ARHGEF2: variants seen among roughly 807,000 people sequenced by gnomAD.
ARHGEF2 encodes the protein Rho/Rac guanine nucleotide exchange factor 2.
In ARHGEF2, 22 loss-of-function variants were observed where a neutral mutation model predicts 121.0. That is an observed-to-expected ratio of 0.18 (90% confidence interval 0.13 to 0.26). The LOEUF (loss-of-function observed/expected upper bound fraction) is 0.26, where lower values mean the gene tolerates loss of function less well. Among genes scored for constraint, ARHGEF2 ranks in the 10% least tolerant of loss-of-function variants. The probability of loss-of-function intolerance (pLI) is 1.00; values close to 1 mark genes in which losing one functional copy is unlikely to be tolerated. For synonymous variants in ARHGEF2, 487 were observed against 530.0 expected, an observed-to-expected ratio of 0.92 and a Z score of 1.11; for missense variants, 907 against 1,336.0, an observed-to-expected ratio of 0.68 and a Z score of 5.01.
Position 155,952,696 on chromosome 1 carries a change from C to T in ARHGEF2, c.1916G>A (p.Gly639Asp), listed in dbSNP as rs1186605915. 14 of 1,614,108 alleles carry T rather than the reference C, an allele frequency of 8.7e-6. No individual in the cohort carries two copies. The highest frequency in any genetic ancestry group is 1.1e-5 in the Non-Finnish European group (13 of 1,180,034). Residue 639 changes from glycine (G) to aspartate (D), a missense_variant, in exon 15 of 22, where the codon GGC becomes GAC. Transcript: ENST00000361247. ...CTCAAGGGACTCAGAGCGGAAAAGG[C>T]CCCTGGGCAGGGTGGGCAGGGCCAT... ...SGMALPTLPR[G>D]LFRSESLESP...
rs754240901 is a variant in ARHGEF2 at position 155,950,754 on chromosome 1, A to G, written c.2703+75T>C. On this transcript the variant is annotated intron_variant, in intron 20 of 21. Coordinates refer to ENST00000361247, the MANE Select transcript of ARHGEF2 (RefSeq NM_001162383.2). This position sits in a 1 kb window ranked among gnomAD's most constrained non-coding sequence, Gnocchi z 5.2. ...GATTGCATTTGGGCTCAAATCCCCAATGGCCCAATTTCTTTCGGGCTCCAT... is the reference window on the plus strand; with the variant it reads ...GATTGCATTTGGGCTCAAATCCCCAGTGGCCCAATTTCTTTCGGGCTCCAT... 466 of 1,424,930 alleles carry G rather than the reference A, an allele frequency of 3.3e-4. 2 individuals are homozygous for G. Among genetic ancestry groups the G allele is most frequent in the Middle Eastern group, 1.9e-4 (1 of 5,158 alleles). The allele number at this position is 1,424,930 out of a possible 1,614,324, so 88.3% of individuals were successfully genotyped here. A position where few individuals can be genotyped will look rare whatever the true frequency, so the allele number is the denominator to read the frequency against.
intron 1 of ARHGEF2, among the ~76,000 whole-genome samples, chr1:155,977,724 G>A (rs556420452): frequency 1.3e-5 from 2 of 152,346 alleles, no homozygotes; most frequent in East Asian, 3.9e-4. Context: ...ATGGTTTGGG[G>A]GAAGTAAGCC....
At chr1:155,955,681 A>G (rs928691912) in intron 13 of ARHGEF2, among the ~76,000 whole-genome samples, 10 of 152,232 alleles carry the variant, frequency 6.6e-5, no homozygotes, top group Non-Finnish European at 1.0e-4. Flanking sequence ...CAGAAGCTCA[A>G]CAAATCAATT....
Position 155,978,525 on chromosome 1 carries a change from C to A in ARHGEF2, c.-98G>T. On this transcript the variant is annotated 5_prime_UTR_variant, in exon 1 of 22. Coordinates refer to ENST00000361247, the MANE Select transcript of ARHGEF2 (RefSeq NM_001162383.2). The surrounding 1 kb of genome is among the most constrained non-coding windows in gnomAD (Gnocchi z 4.1). ...AGGGGTTCGGCCCGCACGCGTTGGTCTCGGGGACAGGAAGTCTGACTCCCC... is the reference window on the plus strand; with the variant it reads ...AGGGGTTCGGCCCGCACGCGTTGGTATCGGGGACAGGAAGTCTGACTCCCC... 2 of 1,292,332 alleles carry A rather than the reference C, an allele frequency of 1.5e-6. No individual in the cohort carries two copies. The highest frequency in any genetic ancestry group is 2.0e-6 in the Non-Finnish European group (2 of 1,010,418). 80.1% of individuals were successfully genotyped at this position (1,292,332 alleles called of 1,614,324 possible).
rs1679277720 is a variant in ARHGEF2 at position 155,965,917 on chromosome 1, G to A, written c.341-157C>T. Among the ~76,000 whole-genome samples the A allele has an allele frequency of 6.6e-6, 1 of 152,152 alleles. No homozygotes were observed. The highest frequency in any genetic ancestry group is 1.5e-5 in the Non-Finnish European group (1 of 68,020). On this transcript the variant is annotated intron_variant, in intron 4 of 21. Coordinates refer to ENST00000361247, the MANE Select transcript of ARHGEF2 (RefSeq NM_001162383.2). The surrounding 1 kb of genome is among the most constrained non-coding windows in gnomAD (Gnocchi z 6.0). The stretch of plus-strand genomic sequence containing the variant: ...GTAATGAGAATGCCACCTTACATTT[G>A]TGCCATACTCTAATGTTCACAAAGA...
chr1:155,978,493 C>CG lies in ARHGEF2; in HGVS notation c.-67dup, dbSNP rs1681752419. 2 of 1,343,258 alleles carry CG rather than the reference C, an allele frequency of 1.5e-6. No homozygotes were observed. The highest frequency in any genetic ancestry group is 1.8e-5 in the South Asian group (1 of 56,192). The allele number at this position is 1,343,258 out of a possible 1,614,324, so 83.2% of individuals were successfully genotyped here. A position where few individuals can be genotyped will look rare whatever the true frequency, so the allele number is the denominator to read the frequency against. On this transcript the variant is annotated 5_prime_UTR_variant, in exon 1 of 22. Transcript: ENST00000361247. The surrounding 1 kb of genome is among the most constrained non-coding windows in gnomAD (Gnocchi z 4.1). Reference sequence around the variant, plus strand: ...GGCGTCCTGTATTGTTGGGGGAAGGCGGGGGGAGGGGTTCGGCCCGCACGC... The same window carrying CG: ...GGCGTCCTGTATTGTTGGGGGAAGGCGGGGGGGAGGGGTTCGGCCCGCACGC...
At chr1:155,953,746 CAAAAAAAAAA>C (rs926082849) in intron 14 of ARHGEF2, among the ~76,000 whole-genome samples, 42 of 45,314 alleles carry the variant, frequency 9.3e-4, no homozygotes, top group Non-Finnish European at 1.4e-3. Context: ...GACCCTGTCT[CAAAAAAAAAA>C]AAAAAAAAAA....
At position 155,950,479 on chromosome 1, in the gene ARHGEF2, T is replaced by A. The variant is rs1283766751; in HGVS notation, c.2707A>T (p.Ser903Cys). ...AGATCCAGGCGGTCAGTGCCTCGGC[T>A]GGGCTGTGGACAGTGGGCAGGAAGA... ...LYLSFNPPQP[S>C]RGTDRLDLPV... The change falls in exon 21 of 22, where the codon AGC (serine) becomes TGC (cysteine). Residue 903 changes from serine (S) to cysteine (C), a missense_variant. This residue lies in a region of ARHGEF2 where 432 missense variants were observed against 559.5 expected (regional missense o/e 0.77). Transcript: ENST00000361247. The surrounding 1 kb of genome is among the most constrained non-coding windows in gnomAD (Gnocchi z 5.2). The A allele has an allele frequency of 1.9e-6, 3 of 1,613,562 alleles. No individual in the cohort carries two copies. In the South Asian group the frequency reaches 3.3e-5, roughly 18 times the overall value.
At chr1:155,967,021 A>G (rs1430839465) in intron 2 of ARHGEF2, 134 bp from the exon 3 acceptor site, 1 of 760,478 alleles carries the variant, frequency 1.3e-6, no homozygotes, top group Non-Finnish European at 2.3e-6. Flanking sequence ...CTTCTGGGCC[A>G]TTACCACACC....
At position 155,966,187 on chromosome 1, in the gene ARHGEF2, C is replaced by T. The variant is rs369852332; in HGVS notation, c.340+229G>A. 2.3e-3 allele frequency among the ~76,000 whole-genome samples: 356 copies of T among 152,258 alleles called. 2 individuals carry two copies. Among genetic ancestry groups the T allele is most frequent in the African/African-American group, 8.5e-3 (351 of 41,530 alleles). ...GATAAAAATGCAGGCTGCGGCCAGG[C>T]TCAGGCGACCACCCATCCCCAGCCC... On this transcript the variant is annotated intron_variant, in intron 4 of 21. Coordinates refer to ENST00000361247, the MANE Select transcript of ARHGEF2 (RefSeq NM_001162383.2).
Position 155,962,652 on chromosome 1 carries a change from C to A in ARHGEF2, c.1042G>T (p.Ala348Ser), listed in dbSNP as rs777714290. ...TACAGCTCCTTATAGAGCTTTAAGG[C>A]CTTGCTGTGGCGGCTGCAGAACTCC... The part of the protein sequence containing the change: ...YSEFCSRHSK[A>S]LKLYKELYAR... Residue 348 changes from alanine to serine, a missense_variant, in exon 9 of 22, where the codon GCC (alanine) becomes TCC (serine). Physicochemically the swap from Ala to Ser is moderately conservative, Grantham distance 99. Around this residue, in one of 2 missense-constraint regions of ARHGEF2, gnomAD observed 475 missense variants for 776.5 expected, o/e 0.61. Transcript: ENST00000361247. The surrounding 1 kb of genome is among the most constrained non-coding windows in gnomAD (Gnocchi z 5.8). 8 of 1,614,124 alleles carry A rather than the reference C, an allele frequency of 5.0e-6. No homozygotes were observed. In the South Asian group the frequency reaches 8.8e-5, roughly 18 times the overall value.
chr1:155,964,077 G>A (rs1413102420), intron 7 of ARHGEF2, among the ~76,000 whole-genome samples: 3 of 146,576 alleles, frequency 2.0e-5, no homozygotes, highest in South Asian at 2.1e-4. Flanking sequence ...CCTGGGAGGC[G>A]GAGGTTGCAG....
At chr1:155,970,653 C>CCGAGGCCA (rs1483749145) in intron 1 of ARHGEF2, 3 of 985,476 alleles carry the variant, frequency 3.0e-6, no homozygotes, top group African/African-American at 3.5e-5. Context: ...ACTGACTCAG[C>CCGAGGCCA]CGAGGCCACG....
chr1:155,952,463 C>T (rs1675690595), intron 15 of ARHGEF2, among the ~76,000 whole-genome samples, 165 bp downstream of exon 15: 1 of 152,262 alleles, frequency 6.6e-6, no homozygotes, highest in Non-Finnish European at 1.5e-5. Context: ...ACCACACCTC[C>T]TCCCCTGCCT....
intron 1 of ARHGEF2, among the ~76,000 whole-genome samples, chr1:155,975,481 CT>C (rs1202831957): frequency 6.6e-6 from 1 of 152,134 alleles, no homozygotes; most frequent in African/African-American, 2.4e-5. Flanking sequence ...CACTTCTCCC[CT>C]CCCCCTCAAC....
rs2102631224 is a variant in ARHGEF2, at chr1:155,951,573, G to A, written c.2209-40C>T. Reference sequence around the variant, plus strand: ...GGTGGGAACAGGGCCCCAGCTTTAGGATGGGAGAACTGCCCAAAAGTTGAA... The same window carrying A: ...GGTGGGAACAGGGCCCCAGCTTTAGAATGGGAGAACTGCCCAAAAGTTGAA... On this transcript the variant is annotated intron_variant, in intron 18 of 21. Transcript: ENST00000361247. This position sits in a 1 kb window ranked among gnomAD's most constrained non-coding sequence, Gnocchi z 5.1. The A allele has an allele frequency of 1.2e-6, 2 of 1,613,972 alleles. No homozygotes were observed. The highest frequency in any genetic ancestry group is 2.2e-5 in the South Asian group (2 of 91,080).
intron 1 of ARHGEF2, among the ~76,000 whole-genome samples, chr1:155,975,513 C>T (rs1681153741): frequency 6.6e-6 from 1 of 152,064 alleles, no homozygotes. Context: ...ACCTCCACGA[C>T]CCCTAGAATT....
At chr1:155,959,061 G>C (rs1168480334) in intron 11 of ARHGEF2, among the ~76,000 whole-genome samples, 1 of 152,032 alleles carries the variant, frequency 6.6e-6, no homozygotes, top group East Asian at 1.9e-4. Flanking sequence ...AGGGCCTACA[G>C]ACCCCCTGGG....
chr1:155,951,375 G>C lies in ARHGEF2; in HGVS notation c.2260-103C>G. ...CAGATCATCGCTCCTGGAGAGCTTG[G>C]ATTGGGAGGGTATTTAGAAAGGCCT... On this transcript the variant is annotated intron_variant, in intron 19 of 21. Coordinates refer to ENST00000361247, the MANE Select transcript of ARHGEF2 (RefSeq NM_001162383.2). The surrounding 1 kb of genome is among the most constrained non-coding windows in gnomAD (Gnocchi z 5.1). The C allele has an allele frequency of 1.3e-6, 2 of 1,579,238 alleles. No individual in the cohort carries two copies. Among genetic ancestry groups the C allele is most frequent in the Non-Finnish European group, 1.7e-6 (2 of 1,152,986 alleles).
Sources: gnomAD v4.1 joint callset for allele counts (sites outside exome capture counted in the v4.1 genomes callset) on GRCh38, gnomAD v4.1.1 for gene constraint, gnomAD v4.1.1 regional missense constraint, Gnocchi (gnomAD v3.1) non-coding constraint, MANE v1.5 for transcripts, NCBI Gene and HGNC (gene_info 2026-07-23, HGNC 2026-07-21) for gene names.